The following TMEM135 variants were observed in gnomAD, a reference collection of about 807,000 sequenced individuals.
TMEM135 encodes the protein peroxisomal membrane protein 52.
TMEM135 carries 30 observed loss-of-function variants against 60.3 expected under a neutral mutation model. That is an observed-to-expected ratio of 0.50 (90% CI 0.37 to 0.68). TMEM135 has a LOEUF of 0.68. Ranked by LOEUF, TMEM135 falls within the 30% of genes least tolerant of loss-of-function variation. TMEM135 has a pLI of 0.00. For synonymous variants in TMEM135, 190 were observed against 186.7 expected (o/e 1.02, Z -0.14); for missense variants, 468 against 548.8 (o/e 0.85, Z 1.47).
chr11:87,230,891 C>T (rs1219134039), intron 5 of TMEM135, among the ~76,000 whole-genome samples: 1 of 151,346 alleles, frequency 6.6e-6, no homozygotes, highest in Non-Finnish European at 1.5e-5. Context: ...TTTAAATAAC[C>T]ACACTCTGAT....
chr11:87,070,054 C>A (rs1413523042), intron 2 of TMEM135, among the ~76,000 whole-genome samples: 1 of 152,006 alleles, frequency 6.6e-6, no homozygotes, highest in African/African-American at 2.4e-5. Flanking sequence ...GCCCGTAGTC[C>A]CAGCTAACTT....
Position 87,322,071 on chromosome 11 carries a change from T to C in TMEM135, c.*738T>C, listed in dbSNP as rs190987562. 990 of 454,422 alleles carry C rather than the reference T, an allele frequency of 2.2e-3. 4 individuals are homozygous for C. Among genetic ancestry groups the C allele is most frequent in the Non-Finnish European group, 3.4e-3 (761 of 226,720 alleles). The allele number at this position is 454,422 out of a possible 1,614,324, so 28.1% of individuals were successfully genotyped here. On this transcript the variant is annotated 3_prime_UTR_variant, in exon 15 of 15. Transcript: ENST00000305494. ...ATGGAAATGGACACATCCGATAAAG[T>C]TGAAATGTATGTTTTAATCTTTCAC... is the stretch of plus-strand genomic sequence containing the variant.
At chr11:87,108,503 G>C (rs1857657067) in intron 4 of TMEM135, among the ~76,000 whole-genome samples, 1 of 138,062 alleles carries the variant, frequency 7.2e-6, no homozygotes, top group South Asian at 2.5e-4. Flanking sequence ...AAAACTCTCA[G>C]TTTTGTTGAT....
Position 87,038,000 on chromosome 11 carries a change from G to T in TMEM135, c.-46G>T, listed in dbSNP as rs2135097676. On this transcript the variant is annotated 5_prime_UTR_variant, in exon 1 of 15. It adds an upstream start codon to the 5' untranslated region. Transcript: ENST00000305494. Reference sequence around the variant, plus strand: ...CTGGGCTCTCGCGCCCCTCCCTGCAGGGCTCAGGCTCTCCCCCTCCTGTCT... The same window carrying T: ...CTGGGCTCTCGCGCCCCTCCCTGCATGGCTCAGGCTCTCCCCCTCCTGTCT... 1.2e-6 allele frequency: 2 copies of T among 1,611,686 alleles called. No individual in the cohort carries two copies.
intron 5 of TMEM135, among the ~76,000 whole-genome samples, chr11:87,171,575 CTT>C (rs1374029034): frequency 6.6e-6 from 1 of 152,156 alleles, no homozygotes; most frequent in African/African-American, 2.4e-5. Context: ...TGTCAGTAGA[CTT>C]TACTAGCTGA....
intron 6 of TMEM135, among the ~76,000 whole-genome samples, chr11:87,249,208 T>C (rs1161382484): frequency 3.3e-5 from 5 of 152,192 alleles, no homozygotes; most frequent in Non-Finnish European, 7.4e-5. Flanking sequence ...TCTCATTCAC[T>C]ATGATACTAT....
At chr11:87,309,722 A>G (rs773937418) in intron 10 of TMEM135, 50 bp downstream of exon 10, 14 of 1,584,624 alleles carry the variant, frequency 8.8e-6, no homozygotes, top group Non-Finnish European at 1.1e-5. Context: ...TAACATTGCT[A>G]TTGTTAGAAT....
chr11:87,309,821 T>G lies in TMEM135; in HGVS notation c.936+149T>G, dbSNP rs147260108. 1.1e-3 allele frequency: 891 copies of G among 842,536 alleles called. 3 individuals carry two copies. In the African/African-American group the frequency reaches 0.013, roughly 13 times the overall value. 52.2% of individuals were successfully genotyped at this position (842,536 alleles called of 1,614,324 possible). A position where few individuals can be genotyped will look rare whatever the true frequency, so the allele number is the denominator to read the frequency against. ...ACATAACCAAATCTATACAATATAT[T>G]GGGAAGTGAGGGTACAGAAATTTCT... On this transcript the variant is annotated intron_variant, in intron 10 of 14. Transcript: ENST00000305494.
intron 3 of TMEM135, among the ~76,000 whole-genome samples, chr11:87,073,672 A>AT (rs762258659): frequency 1.5e-3 from 224 of 146,752 alleles, no homozygotes; most frequent in Non-Finnish European, 1.6e-3. Context: ...TGTTTATTTT[A>AT]TTTTTTTTTT....
chr11:87,202,278 G>A (rs1453575988), intron 5 of TMEM135, among the ~76,000 whole-genome samples: 2 of 151,982 alleles, frequency 1.3e-5, no homozygotes, highest in Admixed American at 6.6e-5. Context: ...CACCCACCTC[G>A]ACCTCCCAAA....
chr11:87,314,479 G>C lies in TMEM135; in HGVS notation c.1009G>C (p.Ala337Pro), dbSNP rs766994602. The change falls in exon 12 of 15, where the codon GCA becomes CCA. Residue 337 changes from alanine (A) to proline (P), a missense_variant. Ala to Pro is a conservative substitution (Grantham distance 27). Coordinates refer to ENST00000305494, the MANE Select transcript of TMEM135 (RefSeq NM_022918.4). ...ELHAIIAGFL[A>P]GISMMFYKST... ...CTTATTTCTTGTTTCAGGATTTTTG[G>C]CAGGTATATCAATGATGTTTTATAA... is the stretch of plus-strand genomic sequence containing the variant. 2 of 1,609,796 alleles carry C rather than the reference G, an allele frequency of 1.2e-6. No homozygotes were observed. The highest frequency in any genetic ancestry group is 2.2e-5 in the South Asian group (2 of 91,006).
chr11:87,225,606 G>C (rs1940748955), intron 5 of TMEM135, among the ~76,000 whole-genome samples: 1 of 152,076 alleles, frequency 6.6e-6, no homozygotes, highest in South Asian at 2.1e-4. Context: ...AGAGTTTAAA[G>C]ATGGATAGTT....
chr11:87,240,440 C>A (rs1941104428), intron 6 of TMEM135, among the ~76,000 whole-genome samples: 1 of 151,888 alleles, frequency 6.6e-6, no homozygotes, highest in Non-Finnish European at 1.5e-5. Flanking sequence ...GAAATAATTT[C>A]TTTACTTCCA....
chr11:87,312,449 A>G (rs367600195), intron 10 of TMEM135, among the ~76,000 whole-genome samples: 2 of 151,646 alleles, frequency 1.3e-5, no homozygotes, highest in African/African-American at 4.8e-5. Context: ...TATGTTATAT[A>G]CTCCACGATA....
chr11:87,081,676 A>G (rs1409394288), intron 3 of TMEM135, among the ~76,000 whole-genome samples: 2 of 126,250 alleles, frequency 1.6e-5, no homozygotes, highest in Non-Finnish European at 1.6e-5. Flanking sequence ...CACTTTTGAT[A>G]GCTGAGGGTT....
intron 4 of TMEM135, among the ~76,000 whole-genome samples, chr11:87,099,075 T>A (rs1246055761): frequency 6.6e-6 from 1 of 152,252 alleles, no homozygotes. Flanking sequence ...GCCTGCACGC[T>A]AGCATACATT....
intron 4 of TMEM135, among the ~76,000 whole-genome samples, chr11:87,101,840 G>A (rs1326952424): frequency 6.6e-6 from 1 of 152,144 alleles, no homozygotes; most frequent in African/African-American, 2.4e-5. Context: ...GGGTGTGATG[G>A]CGCATGCCTG....
At chr11:87,281,859 T>A (rs1183921376) in intron 6 of TMEM135, among the ~76,000 whole-genome samples, 1 of 152,250 alleles carries the variant, frequency 6.6e-6, no homozygotes, top group Non-Finnish European at 1.5e-5. Flanking sequence ...TCTGTTACCC[T>A]AAGGTACAAA....
At chr11:87,094,953 T>C (rs1436800509) in intron 4 of TMEM135, 1 of 154,520 alleles carries the variant, frequency 6.5e-6, no homozygotes, top group African/African-American at 2.4e-5. Flanking sequence ...GGATATTACT[T>C]ATATATTCTT....
Sources: gnomAD v4.1 joint callset for allele counts (sites outside exome capture counted in the v4.1 genomes callset) on GRCh38, gnomAD v4.1.1 for gene constraint, MANE v1.5 for transcripts, NCBI Gene and HGNC (gene_info 2026-07-23, HGNC 2026-07-21) for gene names.